Variants in ADAMTS18 observed in about 807,000 individuals in gnomAD.
ADAMTS18 encodes A disintegrin and metalloproteinase with thrombospondin motifs 18.
A neutral mutation model predicts 165.9 loss-of-function variants in ADAMTS18; 157 were observed. The observed-to-expected ratio is 0.95, with a 90% confidence interval of 0.83 to 1.08. ADAMTS18 has a LOEUF of 1.08. Among genes scored for constraint, ADAMTS18 ranks in the 50% least tolerant of loss-of-function variants. ADAMTS18 has a pLI of 0.00. For missense variants in ADAMTS18, 2,040 were observed against 1,534.0 expected (o/e 1.33, Z -5.51); for synonymous variants, 782 against 578.2 (o/e 1.35, Z -5.06).
At chr16:77,327,066 T>C (rs1267395930) in intron 12 of ADAMTS18, among the ~76,000 whole-genome samples, 2 of 152,250 alleles carry the variant, frequency 1.3e-5, no homozygotes, top group African/African-American at 4.8e-5. Context: ...CCATGGTGCA[T>C]ATGTACCACA....
Position 77,289,381 on chromosome 16 carries a change from T to C in ADAMTS18, c.3433A>G (p.Thr1145Ala). 1 of 1,613,916 alleles carries C rather than the reference T, an allele frequency of 6.2e-7. No homozygotes were observed. Among genetic ancestry groups the C allele is most frequent in the Non-Finnish European group, 8.5e-7 (1 of 1,179,958 alleles). ...TGCTGAACACAGTGGACTGACCGGG[T>C]CTGGACCCCTCCCCCACAGGTGACT... ...CTVTCGGGVQ[T>A]RSVHCVQQGR... Residue 1145 changes from threonine (T) to alanine (A), a missense_variant, in exon 22 of 23, where the codon ACC becomes GCC. By Grantham distance (58) the Thr-to-Ala change is moderately conservative. Transcript: ENST00000282849.
intron 6 of ADAMTS18, among the ~76,000 whole-genome samples, chr16:77,362,671 A>G (rs2056733114): frequency 7.6e-6 from 1 of 131,322 alleles, no homozygotes; most frequent in Non-Finnish European, 1.7e-5. Context: ...CGTCTGGCAC[A>G]TCATAGATTA....
Position 77,434,504 on chromosome 16 carries a change from G to T in ADAMTS18, c.92C>A (p.Ala31Glu). 2 of 1,557,160 alleles carry T rather than the reference G, an allele frequency of 1.3e-6. No individual in the cohort carries two copies. The highest frequency in any genetic ancestry group is 8.7e-7 in the Non-Finnish European group (1 of 1,155,112). ...ACAGCAGAGGCAGCACAGCTGGAGC[G>T]CCTGCAAGAGAAAAGGTGACATCGC... ...GLAGLGRVAK[A>E]LQLCCLCCAS... is the part of the protein sequence containing the mutation. Residue 31 changes from alanine (A) to glutamate (E), a missense_variant and splice_region_variant, in exon 2 of 23, where the codon GCG becomes GAG. Coordinates refer to ENST00000282849, the MANE Select transcript of ADAMTS18 (RefSeq NM_199355.4).
rs536022618 is a variant in ADAMTS18 at position 77,424,653 on chromosome 16, C to T, written c.495+6642G>A. ...TCAAGTTTGTTATGAGCAAATAATT[C>T]TCTTCACAAATCATGTCTGAAGAGG... is the stretch of plus-strand genomic sequence containing the variant. On this transcript the variant is annotated intron_variant, in intron 3 of 22. Transcript: ENST00000282849. Among the ~76,000 whole-genome samples the T allele has an allele frequency of 1.1e-4, 16 of 152,246 alleles. No homozygotes were observed. In the South Asian group the frequency reaches 3.3e-3, roughly 32 times the overall value.
At position 77,354,081 on chromosome 16, in the gene ADAMTS18, G is replaced by C. The variant is rs1243084521; in HGVS notation, c.1461-195C>G. On this transcript the variant is annotated intron_variant, in intron 9 of 22. Transcript: ENST00000282849. ...AAGAGGATGGAATGTACACAGCCAG[G>C]AAGGGTTTTACAGGATGCTGAAAAT... Among the ~76,000 whole-genome samples, 7 of 152,194 alleles carry C rather than the reference G, an allele frequency of 4.6e-5. No individual in the cohort carries two copies. The East Asian group carries it at 1.3e-3, about 29-fold the overall frequency.
At chr16:77,351,005 T>C (rs534083564) in intron 10 of ADAMTS18, among the ~76,000 whole-genome samples, 3 of 152,164 alleles carry the variant, frequency 2.0e-5, no homozygotes, top group African/African-American at 7.2e-5. Flanking sequence ...GAAGACAAAC[T>C]TCACCTCTTT....
chr16:77,362,398 G>A lies in ADAMTS18; in HGVS notation c.1057-134C>T, dbSNP rs747476619. 20 of 939,498 alleles carry A rather than the reference G, an allele frequency of 2.1e-5. 1 individual carries two copies. Among genetic ancestry groups the A allele is most frequent in the Admixed American group, 2.0e-4 (9 of 45,438 alleles). 58.2% of individuals were successfully genotyped at this position (939,498 alleles called of 1,614,324 possible). ...TCAGTAAACACTTGAGCTAAGGTAG[G>A]AGACAGGAAAATCTCTATTTTAGGT... On this transcript the variant is annotated intron_variant, in intron 6 of 22. Coordinates refer to ENST00000282849, the MANE Select transcript of ADAMTS18 (RefSeq NM_199355.4).
chr16:77,373,186 A>AC (rs2056900651), intron 3 of ADAMTS18, among the ~76,000 whole-genome samples: 2 of 152,054 alleles, frequency 1.3e-5, no homozygotes, highest in South Asian at 4.1e-4. Context: ...CGTACTCACG[A>AC]CCCTATTGAA....
chr16:77,416,563 G>T (rs900368517), intron 3 of ADAMTS18, among the ~76,000 whole-genome samples: 6 of 152,306 alleles, frequency 3.9e-5, no homozygotes, highest in African/African-American at 1.4e-4. Flanking sequence ...CTGCCACCAT[G>T]TAAGATGTGC....
intron 16 of ADAMTS18, among the ~76,000 whole-genome samples, chr16:77,301,717 T>C (rs1488836173): frequency 6.6e-6 from 1 of 152,248 alleles, no homozygotes; most frequent in African/African-American, 2.4e-5. Flanking sequence ...AAATGACTTC[T>C]ATTTTGCTAC....
At chr16:77,349,552 G>A (rs1188496947) in intron 10 of ADAMTS18, among the ~76,000 whole-genome samples, 1 of 119,878 alleles carries the variant, frequency 8.3e-6, no homozygotes, top group African/African-American at 3.6e-5. Flanking sequence ...AAAAAAAGCC[G>A]GTTCACTGAG....
chr16:77,368,065 C>A (rs1448615612), intron 3 of ADAMTS18, among the ~76,000 whole-genome samples: 2 of 152,174 alleles, frequency 1.3e-5, no homozygotes, highest in African/African-American at 4.8e-5. Flanking sequence ...TTTATAGAAA[C>A]AGGGTCAATG....
chr16:77,331,356 T>A (rs1486039059), intron 12 of ADAMTS18, among the ~76,000 whole-genome samples: 1 of 152,206 alleles, frequency 6.6e-6, no homozygotes, highest in Non-Finnish European at 1.5e-5. Flanking sequence ...ATCCATGAAC[T>A]ATACTTCACA....
chr16:77,355,931 C>A lies in ADAMTS18; in HGVS notation c.1460+9G>T. 6.2e-7 allele frequency: 1 copy of A among 1,613,934 alleles called. No individual in the cohort carries two copies. Among genetic ancestry groups the A allele is most frequent in the Non-Finnish European group, 8.5e-7 (1 of 1,179,874 alleles). On this transcript the variant is annotated intron_variant, in intron 9 of 22. Transcript: ENST00000282849. ...ACCTAGGAGCACCCCAGGATTTAAC[C>A]TGTCATACCTGAGGAATTTCTTGAG...
chr16:77,346,836 A>G (rs1359583074), intron 10 of ADAMTS18, among the ~76,000 whole-genome samples: 1 of 152,238 alleles, frequency 6.6e-6, no homozygotes. Flanking sequence ...GATTTATACA[A>G]TAATATGCAT....
At chr16:77,401,849 T>C (rs935963220) in intron 3 of ADAMTS18, among the ~76,000 whole-genome samples, 1 of 152,226 alleles carries the variant, frequency 6.6e-6, no homozygotes, top group African/African-American at 2.4e-5. Context: ...CATCTTCTTC[T>C]GCCCTAGGAC....
chr16:77,284,036 G>A lies in ADAMTS18; in HGVS notation c.3586C>T (p.His1196Tyr), dbSNP rs758427391. ...CAGACACCATGCTGAGGAACTAGGT[G>A]ACACCAGTTGAAGAAATCTACGCAG... ...PSCVDFFNWC[H>Y]LVPQHGVCNH... Residue 1196 changes from histidine to tyrosine, a missense_variant, in exon 23 of 23, where the codon CAC becomes TAC. Physicochemically the swap from His to Tyr is moderately conservative, Grantham distance 83 (BLOSUM62 2). Transcript: ENST00000282849. 1 of 1,613,680 alleles carries A rather than the reference G, an allele frequency of 6.2e-7. No homozygotes were observed. Among genetic ancestry groups the A allele is most frequent in the Non-Finnish European group, 8.5e-7 (1 of 1,179,768 alleles).
rs916133204 is a variant in ADAMTS18 at position 77,283,732 on chromosome 16, T to G, written c.*224A>C. On this transcript the variant is annotated 3_prime_UTR_variant, in exon 23 of 23. Coordinates refer to ENST00000282849, the MANE Select transcript of ADAMTS18 (RefSeq NM_199355.4). ...CAAAGATTTTTTTTAAAGTCAGATT[T>G]GTCATCGCTTCCCATTTTCAAGTGC... 1.8e-6 allele frequency: 1 copy of G among 541,500 alleles called. No homozygotes were observed. Among genetic ancestry groups the G allele is most frequent in the Non-Finnish European group, 3.3e-6 (1 of 301,176 alleles). 33.5% of individuals were successfully genotyped at this position (541,500 alleles called of 1,614,324 possible).
chr16:77,387,194 G>A (rs922280410), intron 3 of ADAMTS18, among the ~76,000 whole-genome samples: 6 of 152,134 alleles, frequency 3.9e-5, no homozygotes, highest in African/African-American at 7.2e-5. Flanking sequence ...TGCTGTCATC[G>A]ATTTTCTTGG....
Sources: gnomAD v4.1 joint callset for allele counts (sites outside exome capture counted in the v4.1 genomes callset) on GRCh38, gnomAD v4.1.1 for gene constraint, MANE v1.5 for transcripts, NCBI Gene and HGNC (gene_info 2026-07-23, HGNC 2026-07-21) for gene names.